The following FRMD4A variants were observed in gnomAD, a reference collection of about 807,000 sequenced individuals.
FRMD4A encodes the protein FERM domain-containing protein 4A.
FRMD4A carries 29 observed loss-of-function variants against 129.1 expected under a neutral mutation model. The ratio of observed to expected loss-of-function variants is 0.22; its 90% confidence interval spans 0.17 to 0.31. The LOEUF (loss-of-function observed/expected upper bound fraction) is 0.31. Ranked by LOEUF, FRMD4A falls within the 10% of genes least tolerant of loss-of-function variation. The pLI is 1.00. For missense variants in FRMD4A, 1,272 were observed against 1,375.8 expected (o/e 0.92, Z 1.19); for synonymous variants, 634 against 571.6 (o/e 1.11, Z -1.56).
At chr10:14,200,056 G>C (rs987918969) in intron 2 of FRMD4A, among the ~76,000 whole-genome samples, 1 of 144,244 alleles carries the variant, frequency 6.9e-6, no homozygotes, top group Admixed American at 6.9e-5. Flanking sequence ...ACAGGGTCTT[G>C]CTGTTGCCCA....
At chr10:13,775,991 C>A (rs1403886450) in intron 6 of FRMD4A, among the ~76,000 whole-genome samples, 2 of 152,180 alleles carry the variant, frequency 1.3e-5, no homozygotes, top group South Asian at 4.1e-4. Context: ...TTGGATTAGT[C>A]ACGATAATGT....
At chr10:13,801,740 A>C (rs1395243996) in intron 4 of FRMD4A, among the ~76,000 whole-genome samples, 1 of 152,186 alleles carries the variant, frequency 6.6e-6, no homozygotes, top group African/African-American at 2.4e-5. Context: ...TCTCTAAGTC[A>C]CACTTCCTGT....
chr10:13,792,926 G>A (rs1236458376), intron 5 of FRMD4A, among the ~76,000 whole-genome samples: 1 of 152,212 alleles, frequency 6.6e-6, no homozygotes, highest in African/African-American at 2.4e-5. Flanking sequence ...CTTCGTGGAT[G>A]GAGAGGGGTT....
intron 6 of FRMD4A, among the ~76,000 whole-genome samples, chr10:13,774,040 C>G (rs1213545932): frequency 5.9e-5 from 9 of 152,188 alleles, no homozygotes; most frequent in Non-Finnish European, 8.8e-5. Flanking sequence ...GTATCCACGC[C>G]CTGGCCAATG....
rs148483756 is a variant in FRMD4A, at chr10:14,314,292, T to C, written c.45+15766A>G. Among the ~76,000 whole-genome samples the C allele has an allele frequency of 4.2e-3, 642 of 152,084 alleles. 6 individuals carry two copies. The highest frequency in any genetic ancestry group is 0.014 in the African/African-American group (595 of 41,490). ...GAGCTACTCACTCTCACCTCACCTCTCCATGGCTGGCACCAGTGAGCTGGC... is the reference window on the plus strand; with the variant it reads ...GAGCTACTCACTCTCACCTCACCTCCCCATGGCTGGCACCAGTGAGCTGGC... On this transcript the variant is annotated intron_variant, in intron 2 of 24. Transcript: ENST00000357447.
At chr10:13,685,554 G>A (rs1353131212) in intron 15 of FRMD4A, 4 of 985,110 alleles carry the variant, frequency 4.1e-6, no homozygotes, top group Non-Finnish European at 4.8e-6. Context: ...GGTTAACTGT[G>A]AATTTCAGTC....
chr10:14,159,453 A>G (rs776268113), intron 2 of FRMD4A, among the ~76,000 whole-genome samples: 4 of 152,200 alleles, frequency 2.6e-5, no homozygotes, highest in Non-Finnish European at 5.9e-5. Flanking sequence ...TAAAATGCTG[A>G]TGAAAGAAAC....
At chr10:13,956,685 T>A (rs2095412001) in intron 2 of FRMD4A, among the ~76,000 whole-genome samples, 2 of 152,238 alleles carry the variant, frequency 1.3e-5, no homozygotes, top group African/African-American at 4.8e-5. Flanking sequence ...TGTGGATGTA[T>A]GGCTGTGTAT....
At chr10:14,219,402 A>G (rs1375453222) in intron 2 of FRMD4A, among the ~76,000 whole-genome samples, 1 of 152,120 alleles carries the variant, frequency 6.6e-6, no homozygotes. Context: ...CCTCCCACAA[A>G]TATTCTCTGA....
chr10:14,289,289 G>C (rs968653009), intron 2 of FRMD4A, among the ~76,000 whole-genome samples: 5 of 151,820 alleles, frequency 3.3e-5, no homozygotes, highest in African/African-American at 1.2e-4. Flanking sequence ...GTTGTCTTTT[G>C]GGTTTTTTTT....
intron 2 of FRMD4A, among the ~76,000 whole-genome samples, chr10:14,195,379 T>C (rs1207779319): frequency 6.6e-6 from 1 of 151,850 alleles, no homozygotes; most frequent in Non-Finnish European, 1.5e-5. Context: ...CTGCCTGAGA[T>C]AGTATATCTT....
chr10:14,061,217 G>T (rs953356154), intron 2 of FRMD4A, among the ~76,000 whole-genome samples: 2 of 152,118 alleles, frequency 1.3e-5, no homozygotes, highest in East Asian at 3.9e-4. Context: ...AGGCCGAAGC[G>T]GGTGGACTAC....
At chr10:14,323,807 T>C (rs1054403316) in intron 2 of FRMD4A, among the ~76,000 whole-genome samples, 1 of 152,216 alleles carries the variant, frequency 6.6e-6, no homozygotes, top group Non-Finnish European at 1.5e-5. Context: ...GCGAAGAGCC[T>C]GTTATTCAAG....
chr10:13,700,820 CTTTTTTTTTTTT>C (rs71503097), intron 14 of FRMD4A, among the ~76,000 whole-genome samples: 2 of 44,714 alleles, frequency 4.5e-5, no homozygotes, highest in East Asian at 8.0e-4. Context: ...AGGGTAGTTG[CTTTTTTTTTTTT>C]TTTTTTTTTT....
At chr10:13,854,966 GAA>G (rs1386612509) in intron 3 of FRMD4A, among the ~76,000 whole-genome samples, 9 of 152,182 alleles carry the variant, frequency 5.9e-5, no homozygotes, top group Non-Finnish European at 1.5e-5. Flanking sequence ...TGGGTGTCAG[GAA>G]ATTGCCTGTG....
chr10:14,313,709 C>T (rs1187185841), intron 2 of FRMD4A, among the ~76,000 whole-genome samples: 1 of 152,196 alleles, frequency 6.6e-6, no homozygotes, highest in Non-Finnish European at 1.5e-5. Context: ...TCACGTAGAT[C>T]ACTTTCATGG....
chr10:13,983,030 C>G (rs921592061), intron 2 of FRMD4A, among the ~76,000 whole-genome samples: 1 of 152,106 alleles, frequency 6.6e-6, no homozygotes, highest in African/African-American at 2.4e-5. Flanking sequence ...TCTCGGCTCA[C>G]TGCAACTTCT....
chr10:14,305,999 G>C (rs1484817105), intron 2 of FRMD4A, among the ~76,000 whole-genome samples: 3 of 152,146 alleles, frequency 2.0e-5, no homozygotes, highest in Non-Finnish European at 4.4e-5. Context: ...AGAAGGGAGA[G>C]CATCAGGAAG....
intron 15 of FRMD4A, 36 bp from the exon 16 acceptor site, chr10:13,675,080 C>G: frequency 6.3e-7 from 1 of 1,591,948 alleles, no homozygotes. Flanking sequence ...GGCCAGCTGA[C>G]AGGGGACACA....
Sources: gnomAD v4.1 joint callset for allele counts (sites outside exome capture counted in the v4.1 genomes callset) on GRCh38, gnomAD v4.1.1 for gene constraint, MANE v1.5 for transcripts, NCBI Gene and HGNC (gene_info 2026-07-23, HGNC 2026-07-21) for gene names.